The following MARCHF1 variants were observed in gnomAD, a reference collection of about 807,000 sequenced individuals.
MARCHF1 encodes the protein E3 ubiquitin-protein ligase MARCHF1.
Under a neutral mutation model 54.2 loss-of-function variants are expected in MARCHF1, and 40 were observed. The ratio of observed to expected loss-of-function variants is 0.74; its 90% CI spans 0.57 to 0.96. The LOEUF is 0.96. Among genes scored for constraint, MARCHF1 ranks in the 40% least tolerant of loss-of-function variants. The probability of loss-of-function intolerance (pLI) is 0.00; values close to 1 mark genes in which losing one functional copy is unlikely to be tolerated. For synonymous variants in MARCHF1, 236 were observed against 236.3 expected, an observed-to-expected ratio of 1.00 and a Z score of 0.01; for missense variants, 586 against 656.5, an observed-to-expected ratio of 0.89 and a Z score of 1.17.
intron 8 of MARCHF1, among the ~76,000 whole-genome samples, chr4:163,571,855 G>C (rs1195634196): frequency 6.6e-6 from 1 of 152,016 alleles, no homozygotes; most frequent in Non-Finnish European, 1.5e-5. Context: ...TATGCCTCAG[G>C]GCTGCAGAAG....
intron 5 of MARCHF1, among the ~76,000 whole-genome samples, chr4:163,625,567 A>G (rs1741840094): frequency 6.6e-6 from 1 of 152,238 alleles, no homozygotes; most frequent in South Asian, 2.1e-4. Flanking sequence ...ATTGCAGTAG[A>G]GATAGAGATG....
rs1756232134 is a variant in MARCHF1 at position 164,128,425 on chromosome 4, A to G, written c.-322-16763T>C. The stretch of plus-strand genomic sequence containing the variant: ...ATATTCACAATGCTCTTAAAAATTA[A>G]GAAGAAAAAAGACTTAAAATCCCAC... On this transcript the variant is annotated intron_variant, in intron 1 of 9. Transcript: ENST00000514618. Among the ~76,000 whole-genome samples, 3 of 152,282 alleles carry G rather than the reference A, an allele frequency of 2.0e-5. No individual in the cohort carries two copies. In the South Asian group the frequency reaches 6.2e-4, roughly 32 times the overall value.
At chr4:164,104,062 C>A (rs942269930) in intron 2 of MARCHF1, among the ~76,000 whole-genome samples, 26 of 151,146 alleles carry the variant, frequency 1.7e-4, no homozygotes, top group African/African-American at 6.1e-4. Context: ...AAGACTAAAC[C>A]AGGAAGAAGT....
chr4:164,049,375 G>T (rs1362868269), intron 2 of MARCHF1, among the ~76,000 whole-genome samples: 1 of 152,078 alleles, frequency 6.6e-6, no homozygotes, highest in Middle Eastern at 3.2e-3. Flanking sequence ...GATGAGATTT[G>T]GGTGGGGACA....
intron 4 of MARCHF1, among the ~76,000 whole-genome samples, chr4:163,725,014 C>A (rs182143240): frequency 6.6e-6 from 1 of 152,092 alleles, no homozygotes; most frequent in Admixed American, 6.6e-5. Flanking sequence ...CACCTACTGT[C>A]CTGCCCCCAC....
intron 5 of MARCHF1, among the ~76,000 whole-genome samples, chr4:163,629,750 G>A (rs1490060412): frequency 6.6e-6 from 1 of 152,172 alleles, no homozygotes; most frequent in East Asian, 1.9e-4. Flanking sequence ...ATTGATGAGT[G>A]CAGGAAACCA....
intron 1 of MARCHF1, among the ~76,000 whole-genome samples, chr4:164,363,975 AG>A (rs950307893): frequency 2.6e-5 from 4 of 152,128 alleles, no homozygotes; most frequent in African/African-American, 9.6e-5. Context: ...TATACAAAAA[AG>A]AATGAATATT....
chr4:163,887,983 T>C (rs571905213), intron 3 of MARCHF1, among the ~76,000 whole-genome samples: 2 of 152,290 alleles, frequency 1.3e-5, no homozygotes, highest in South Asian at 4.1e-4. Flanking sequence ...GTGTGTTTTG[T>C]TCATTCTATA....
intron 4 of MARCHF1, among the ~76,000 whole-genome samples, chr4:163,802,912 C>A (rs1038874871): frequency 6.6e-6 from 1 of 152,112 alleles, no homozygotes; most frequent in African/African-American, 2.4e-5. Context: ...TAGAACTTTG[C>A]TTTCACATCG....
chr4:164,238,675 G>T (rs1732638413), intron 1 of MARCHF1, among the ~76,000 whole-genome samples: 1 of 151,852 alleles, frequency 6.6e-6, no homozygotes, highest in South Asian at 2.1e-4. Flanking sequence ...CCAGAAAAAA[G>T]TTACTGAGTT....
chr4:163,834,604 C>CCCCCCTT (rs1749126337), intron 4 of MARCHF1, among the ~76,000 whole-genome samples: 1 of 106,606 alleles, frequency 9.4e-6, no homozygotes, highest in Non-Finnish European at 1.8e-5. Flanking sequence ...CCTCCCCCCT[C>CCCCCCTT]CCCCCACCCC....
chr4:164,186,161 G>A (rs1161307820), intron 1 of MARCHF1, among the ~76,000 whole-genome samples: 1 of 152,124 alleles, frequency 6.6e-6, no homozygotes, highest in East Asian at 1.9e-4. Context: ...CCAAAGTGCT[G>A]GAATTACAGA....
At chr4:163,745,823 G>T (rs1290776083) in intron 4 of MARCHF1, among the ~76,000 whole-genome samples, 3 of 149,034 alleles carry the variant, frequency 2.0e-5, no homozygotes, top group African/African-American at 7.4e-5. Flanking sequence ...GTTTAGTAAT[G>T]CATAGTCTTA....
At chr4:163,658,852 T>C (rs1232066089) in intron 5 of MARCHF1, among the ~76,000 whole-genome samples, 2 of 151,844 alleles carry the variant, frequency 1.3e-5, no homozygotes, top group African/African-American at 2.4e-5. Context: ...CTGGGCTTAA[T>C]ACCTAGGTGA....
chr4:163,664,817 A>C (rs926441265), intron 5 of MARCHF1, among the ~76,000 whole-genome samples: 23 of 152,076 alleles, frequency 1.5e-4, no homozygotes, highest in African/African-American at 4.6e-4. Flanking sequence ...TTCTATCAGC[A>C]GGGTCAATAT....
chr4:163,888,205 C>T (rs565083998), intron 3 of MARCHF1, among the ~76,000 whole-genome samples: 1 of 152,206 alleles, frequency 6.6e-6, no homozygotes, highest in Admixed American at 6.5e-5. Context: ...AAATTATCAA[C>T]ATATACACCA....
chr4:163,879,279 G>T (rs138611965), intron 3 of MARCHF1, among the ~76,000 whole-genome samples: 2 of 152,094 alleles, frequency 1.3e-5, no homozygotes. Context: ...TGGGTTTGAG[G>T]GTGCTCAGAA....
At chr4:164,222,645 GAA>G (rs920753621) in intron 1 of MARCHF1, among the ~76,000 whole-genome samples, 1 of 151,698 alleles carries the variant, frequency 6.6e-6, no homozygotes, top group African/African-American at 2.4e-5. Flanking sequence ...AGGGAACCAG[GAA>G]GAGAGAGAGA....
chr4:164,240,420 T>C (rs923593769), intron 1 of MARCHF1, among the ~76,000 whole-genome samples: 2 of 152,180 alleles, frequency 1.3e-5, no homozygotes, highest in African/African-American at 4.8e-5. Flanking sequence ...CCAATTCCAA[T>C]GGAGACTCCT....
Sources: allele counts gnomAD v4.1 joint callset (sites outside exome capture counted in the v4.1 genomes callset), GRCh38; gene constraint gnomAD v4.1.1; transcripts MANE v1.5; gene names NCBI Gene and HGNC (gene_info 2026-07-23, HGNC 2026-07-21).